The following HERC1 variants were observed in gnomAD, a reference collection of about 807,000 sequenced individuals.
The protein encoded by HERC1 is probable E3 ubiquitin-protein ligase HERC1.
HERC1 carries 160 observed loss-of-function variants against 554.3 expected under a neutral mutation model. The ratio of observed to expected loss-of-function variants is 0.29; its 90% CI spans 0.25 to 0.33. The LOEUF (loss-of-function observed/expected upper bound fraction) is 0.33. HERC1 is among the 10% of genes least tolerant of loss of function. The pLI is 1.00. For missense variants in HERC1, 4,919 were observed against 5,918.5 expected (o/e 0.83, Z 5.54); for synonymous variants, 2,175 against 2,131.7 (o/e 1.02, Z -0.56).
At position 63,616,440 on chromosome 15, in the gene HERC1, C is replaced by G; in HGVS notation, c.13931G>C (p.Ser4644Thr). 6.2e-7 allele frequency: 1 copy of G among 1,613,010 alleles called. No individual in the cohort carries two copies. The highest frequency in any genetic ancestry group is 8.5e-7 in the Non-Finnish European group (1 of 1,179,228). ...CTGGCCAGGATTTACCTCATGGAAA[C>G]TCTCCTCGGTAATCCCACTGTCTTC... ...HIEDSGITEE[S>T]FHEMIPLDSF... is the part of the protein sequence containing the mutation. The change falls in exon 75 of 78, where the codon AGT becomes ACT. Residue 4644 changes from serine to threonine, a missense_variant. Physicochemically the swap from Ser to Thr is moderately conservative, Grantham distance 58. Coordinates refer to ENST00000443617, the MANE Select transcript of HERC1 (RefSeq NM_003922.4).
At position 63,734,583 on chromosome 15, in the gene HERC1, T is replaced by C. The variant is rs2074423212; in HGVS notation, c.2646+141A>G. The C allele has an allele frequency of 1.7e-6, 1 of 587,302 alleles. No individual in the cohort carries two copies. The highest frequency in any genetic ancestry group is 2.0e-5 in the African/African-American group (1 of 51,114). 36.4% of individuals were successfully genotyped at this position (587,302 alleles called of 1,614,324 possible). ...CTTCACCTAAGGTTGTTAAGACAAC[T>C]GGGAATTCTTCCAGCACAACACATT... On this transcript the variant is annotated intron_variant, in intron 13 of 77. Coordinates refer to ENST00000443617, the MANE Select transcript of HERC1 (RefSeq NM_003922.4). The surrounding 1 kb of genome is among the most constrained non-coding windows in gnomAD (Gnocchi z 4.6).
intron 1 of HERC1, among the ~76,000 whole-genome samples, chr15:63,811,212 T>C (rs768882680): frequency 6.6e-6 from 1 of 152,202 alleles, no homozygotes; most frequent in African/African-American, 2.4e-5. Context: ...TTATTTTCCA[T>C]CGGTGTGATA....
At chr15:63,830,545 G>A (rs910851724) in intron 1 of HERC1, among the ~76,000 whole-genome samples, 1 of 151,998 alleles carries the variant, frequency 6.6e-6, no homozygotes, top group Non-Finnish European at 1.5e-5. Flanking sequence ...GCATTAATGG[G>A]GAAAAACCAG....
chr15:63,726,910 C>T (rs2074065687), intron 17 of HERC1, among the ~76,000 whole-genome samples: 1 of 151,850 alleles, frequency 6.6e-6, no homozygotes, highest in African/African-American at 2.4e-5. Flanking sequence ...CAGTTATAAA[C>T]ATAGATGAAA....
chr15:63,752,903 G>A lies in HERC1; in HGVS notation c.1902+55C>T, dbSNP rs190434109. On this transcript the variant is annotated intron_variant, in intron 8 of 77. Coordinates refer to ENST00000443617, the MANE Select transcript of HERC1 (RefSeq NM_003922.4). Reference sequence around the variant, plus strand: ...ATTTAAATACAAGTATTACTTTTTAGTCACCTAATCCTCTGAAATACTCTA... The same window carrying A: ...ATTTAAATACAAGTATTACTTTTTAATCACCTAATCCTCTGAAATACTCTA... 272 of 1,466,330 alleles carry A rather than the reference G, an allele frequency of 1.9e-4. 1 individual carries two copies. The African/African-American group carries it at 3.7e-3, about 20-fold the overall frequency. The allele number at this position is 1,466,330 out of a possible 1,614,324, so 90.8% of individuals were successfully genotyped here. A position where few individuals can be genotyped will look rare whatever the true frequency, so the allele number is the denominator to read the frequency against.
chr15:63,646,602 C>T, intron 55 of HERC1, among the ~76,000 whole-genome samples: 1 of 151,208 alleles, frequency 6.6e-6, no homozygotes, highest in South Asian at 2.1e-4. Context: ...GAATTCGAGA[C>T]CAGCCTGGCC....
At chr15:63,752,588 C>T (rs886312895) in intron 8 of HERC1, 3 of 160,634 alleles carry the variant, frequency 1.9e-5, no homozygotes, top group African/African-American at 7.2e-5. Context: ...TCTTTACCCT[C>T]CTTTTTGATC....
At chr15:63,732,158 G>A (rs1306975729) in intron 14 of HERC1, among the ~76,000 whole-genome samples, 2 of 151,916 alleles carry the variant, frequency 1.3e-5, no homozygotes, top group African/African-American at 4.8e-5. Context: ...CAGCCGCCAC[G>A]CCTGGCTAAT....
chr15:63,777,926 C>G (rs1260351259), intron 1 of HERC1, among the ~76,000 whole-genome samples: 1 of 152,162 alleles, frequency 6.6e-6, no homozygotes, highest in Non-Finnish European at 1.5e-5. Context: ...ATAGGACAAG[C>G]TGAGTCCAAT....
intron 68 of HERC1, among the ~76,000 whole-genome samples, chr15:63,631,203 T>C (rs936473004): frequency 6.6e-6 from 1 of 152,172 alleles, no homozygotes; most frequent in Non-Finnish European, 1.5e-5. Context: ...GTCCTCAAAC[T>C]TCCAACCAAC....
chr15:63,718,423 CCTTTT>C lies in HERC1; in HGVS notation c.3978+146_3978+150del, dbSNP rs900530997. On this transcript the variant is annotated intron_variant, in intron 21 of 77. Coordinates refer to ENST00000443617, the MANE Select transcript of HERC1 (RefSeq NM_003922.4). This position sits in a 1 kb window ranked among gnomAD's most constrained non-coding sequence, Gnocchi z 4.2. Reference sequence around the variant, plus strand: ...AGGTTAAGTAAATCTCAAATCTTTTCCTTTTTTTTTTTCTGCTAGGAAAAGAACTA... The same window carrying C: ...AGGTTAAGTAAATCTCAAATCTTTTCTTTTTTTCTGCTAGGAAAAGAACTA... 2.6e-5 allele frequency: 18 copies of C among 691,332 alleles called. No individual in the cohort carries two copies. In the African/African-American group the frequency reaches 2.9e-4, roughly 11 times the overall value. The allele number at this position is 691,332 out of a possible 1,614,324, so 42.8% of individuals were successfully genotyped here.
chr15:63,685,201 G>A (rs2071686552), intron 34 of HERC1, among the ~76,000 whole-genome samples: 1 of 152,158 alleles, frequency 6.6e-6, no homozygotes, highest in Admixed American at 6.5e-5. Context: ...CAGGAATAAT[G>A]ATGTCACAGA....
chr15:63,814,915 T>A (rs148440053), intron 1 of HERC1, among the ~76,000 whole-genome samples: 2 of 152,376 alleles, frequency 1.3e-5, no homozygotes, highest in East Asian at 3.9e-4. Context: ...TGTACTAATG[T>A]GAGCTATGAT....
At chr15:63,632,001 A>G (rs1320581288) in intron 68 of HERC1, among the ~76,000 whole-genome samples, 3 of 152,168 alleles carry the variant, frequency 2.0e-5, no homozygotes, top group African/African-American at 7.2e-5. Context: ...CTAAACCTAC[A>G]TCTTCATAAT....
rs1241096101 is a variant in HERC1, at chr15:63,749,617, T to C, written c.2047+30A>G. 1.3e-6 allele frequency: 2 copies of C among 1,592,266 alleles called. No individual in the cohort carries two copies. Among genetic ancestry groups the C allele is most frequent in the African/African-American group, 1.4e-5 (1 of 73,942 alleles). ...TATATTTACACAAGACAACAGTTAA[T>C]ACTATTTCCTTAAAAACAAATGACT... is the stretch of plus-strand genomic sequence containing the variant. On this transcript the variant is annotated intron_variant, in intron 9 of 77. Coordinates refer to ENST00000443617, the MANE Select transcript of HERC1 (RefSeq NM_003922.4). This position sits in a 1 kb window ranked among gnomAD's most constrained non-coding sequence, Gnocchi z 4.1.
chr15:63,817,911 G>A (rs569812949), intron 1 of HERC1, among the ~76,000 whole-genome samples: 1 of 151,998 alleles, frequency 6.6e-6, no homozygotes, highest in East Asian at 1.9e-4. Context: ...AAGAAAAAAT[G>A]CTGTATGGGA....
chr15:63,710,068 T>G (rs2073216557), intron 24 of HERC1, among the ~76,000 whole-genome samples: 1 of 152,224 alleles, frequency 6.6e-6, no homozygotes, highest in Admixed American at 6.5e-5. Flanking sequence ...ATGGCAAAAA[T>G]GCAGACCACT....
At chr15:63,827,292 C>T (rs548188066) in intron 1 of HERC1, among the ~76,000 whole-genome samples, 61 of 152,134 alleles carry the variant, frequency 4.0e-4, no homozygotes, top group African/African-American at 1.4e-3. Flanking sequence ...TATAGCGGTG[C>T]ACACTTGTAG....
chr15:63,661,534 T>A (rs2070358506), intron 45 of HERC1, among the ~76,000 whole-genome samples: 2 of 152,106 alleles, frequency 1.3e-5, no homozygotes, highest in African/African-American at 4.8e-5. Context: ...AAGTCAGAGG[T>A]TAACACAGTC....
Sources: allele counts gnomAD v4.1 joint callset (sites outside exome capture counted in the v4.1 genomes callset), GRCh38; gene constraint gnomAD v4.1.1; non-coding constraint Gnocchi (gnomAD v3.1); transcripts MANE v1.5; gene names NCBI Gene and HGNC (gene_info 2026-07-23, HGNC 2026-07-21).